Variants in CHRDL1 observed in about 807,000 individuals in gnomAD.
The protein encoded by CHRDL1 is chordin like 1.
CHRDL1 carries 19 observed loss-of-function variants against 40.9 expected under a neutral mutation model. The ratio of observed to expected loss-of-function variants is 0.46; its 90% CI spans 0.32 to 0.68. CHRDL1 has a LOEUF of 0.68. CHRDL1 is among the 30% of genes least tolerant of loss of function. CHRDL1 has a pLI of 0.03. For missense variants in CHRDL1, 329 were observed against 352.1 expected, an observed-to-expected ratio of 0.93 and a Z score of 0.53; for synonymous variants, 136 against 123.4, an observed-to-expected ratio of 1.10 and a Z score of -0.68.
intron 4 of CHRDL1, among the ~76,000 whole-genome samples, chrX:110,741,821 C>T (rs187996577): frequency 1.8e-5 from 2 of 112,043 alleles, no homozygotes; most frequent in East Asian, 5.7e-4. Flanking sequence ...ACCAGCAAAC[C>T]ATCTGGCCAT....
Position 110,713,846 on chromosome X carries a change from G to A in CHRDL1, c.541+5989C>T, listed in dbSNP as rs113512225. ...ACACCATTTACTAAATGCATACTTG[G>A]CTTTCAATACAGTTAATACCTACCC... On this transcript the variant is annotated intron_variant, in intron 6 of 11. Transcript: ENST00000372042. Among the ~76,000 whole-genome samples the A allele has an allele frequency of 7.6e-3, 851 of 111,480 alleles. 6 individuals carry two copies. The highest frequency in any genetic ancestry group is 0.027 in the African/African-American group (816 of 30,676).
chrX:110,676,426 T>A, intron 11 of CHRDL1, 65 bp from the exon 12 acceptor site: 1 of 1,057,691 alleles, frequency 9.5e-7, no homozygotes. Flanking sequence ...AAATTAGGAA[T>A]AGAACCAATA....
intron 10 of CHRDL1, among the ~76,000 whole-genome samples, 184 bp downstream of exon 10, chrX:110,681,298 G>C (rs2069891001): frequency 8.9e-6 from 1 of 112,093 alleles, no homozygotes; most frequent in Admixed American, 9.5e-5. Flanking sequence ...TTGATCTTTA[G>C]CACAGGCCAT....
At chrX:110,730,386 T>A (rs2071136112) in intron 4 of CHRDL1, among the ~76,000 whole-genome samples, 1 of 110,868 alleles carries the variant, frequency 9.0e-6, no homozygotes. Context: ...CAGGTGTGAT[T>A]TAGCCAAGCA....
intron 6 of CHRDL1, among the ~76,000 whole-genome samples, chrX:110,718,966 G>A (rs766379485): frequency 9.0e-6 from 1 of 111,685 alleles, no homozygotes; most frequent in Non-Finnish European, 1.9e-5. Flanking sequence ...AGTATCTTAT[G>A]TAAGGGAATC....
chrX:110,757,608 C>T (rs749854803), intron 4 of CHRDL1, among the ~76,000 whole-genome samples: 111 of 111,396 alleles, frequency 1.0e-3, no homozygotes, highest in Non-Finnish European at 1.8e-3. Context: ...AGAACTACTA[C>T]CCACAGAAAG....
At chrX:110,774,692 T>C in intron 2 of CHRDL1, among the ~76,000 whole-genome samples, 1 of 111,854 alleles carries the variant, frequency 8.9e-6, no homozygotes, top group Non-Finnish European at 1.9e-5. Context: ...CTTGGATGTA[T>C]TCAACTGAAG....
chrX:110,709,941 G>T (rs1470628003), intron 6 of CHRDL1, among the ~76,000 whole-genome samples: 1 of 111,562 alleles, frequency 9.0e-6, no homozygotes, highest in Non-Finnish European at 1.9e-5. Context: ...GGCAGAGGTT[G>T]CAGTGAGCTG....
chrX:110,770,832 C>T (rs1300457646), intron 2 of CHRDL1, among the ~76,000 whole-genome samples: 1 of 111,395 alleles, frequency 9.0e-6, no homozygotes, highest in Non-Finnish European at 1.9e-5. Context: ...CACACATTAC[C>T]AAAGCTCAAT....
chrX:110,773,766 T>C (rs1290601222), intron 2 of CHRDL1, among the ~76,000 whole-genome samples: 1 of 108,742 alleles, frequency 9.2e-6, no homozygotes, highest in African/African-American at 3.3e-5. Context: ...ATTTCTATTA[T>C]TTTGTGTTTC....
chrX:110,735,446 A>G (rs2071245617), intron 4 of CHRDL1, among the ~76,000 whole-genome samples: 1 of 111,827 alleles, frequency 8.9e-6, no homozygotes, highest in African/African-American at 3.3e-5. Context: ...GCCCTGCACC[A>G]CATCAAAACC....
chrX:110,764,606 A>G (rs1372297053), intron 2 of CHRDL1, among the ~76,000 whole-genome samples: 3 of 111,899 alleles, frequency 2.7e-5, no homozygotes, highest in African/African-American at 9.7e-5. Context: ...AAAGAACAGA[A>G]TAACAGCAAT....
chrX:110,763,558 T>TAC (rs1556366535), intron 2 of CHRDL1, among the ~76,000 whole-genome samples: 4,827 of 105,536 alleles, frequency 0.046, 271 homozygotes, highest in African/African-American at 0.15. Context: ...TATATATATA[T>TAC]ACACACACAT....
intron 8 of CHRDL1, among the ~76,000 whole-genome samples, chrX:110,690,831 G>T (rs758994764): frequency 1.8e-5 from 2 of 111,629 alleles, no homozygotes; most frequent in African/African-American, 6.5e-5. Context: ...ATCACTGCTT[G>T]CTTCACAGAT....
chrX:110,708,680 T>G (rs940898269), intron 6 of CHRDL1, among the ~76,000 whole-genome samples: 2 of 111,440 alleles, frequency 1.8e-5, no homozygotes. Context: ...AAATACTTAC[T>G]TTTTAAAAAG....
chrX:110,714,924 GA>G (rs1439848970), intron 6 of CHRDL1, among the ~76,000 whole-genome samples: 1 of 111,535 alleles, frequency 9.0e-6, no homozygotes, highest in Non-Finnish European at 1.9e-5. Flanking sequence ...ATTTCCATGG[GA>G]AAAAATAACT....
chrX:110,736,202 T>C (rs953707788), intron 4 of CHRDL1, among the ~76,000 whole-genome samples: 2 of 112,023 alleles, frequency 1.8e-5, no homozygotes, highest in Non-Finnish European at 3.8e-5. Context: ...AGACAAAGTA[T>C]CATTTTGCTT....
intron 6 of CHRDL1, among the ~76,000 whole-genome samples, chrX:110,709,441 A>G (rs2070707286): frequency 8.9e-6 from 1 of 112,390 alleles, no homozygotes; most frequent in African/African-American, 3.2e-5. Context: ...GCACATTGAA[A>G]AGGAATCATT....
In CHRDL1 at chrX:110,681,617, C is replaced by CAA; in HGVS notation, c.1020_1021insTT (p.Gly341LeufsTer27). On this transcript the variant is annotated frameshift_variant, in exon 10 of 12. Transcript: ENST00000372042. LOFTEE classifies it high-confidence loss of function. ...ATCGTTTCTTCCCCGCAGAAGTAGC[C>CAA]TTTATTGTCAAAGCTTTGGCCTGGA... The CAA allele has an allele frequency of 3.3e-6, 4 of 1,206,837 alleles. No homozygotes were observed. In the Middle Eastern group the frequency reaches 6.9e-4, roughly 208 times the overall value.
Sources: allele counts gnomAD v4.1 joint callset (sites outside exome capture counted in the v4.1 genomes callset), GRCh38; gene constraint gnomAD v4.1.1; transcripts MANE v1.5; gene names NCBI Gene and HGNC (gene_info 2026-07-23, HGNC 2026-07-21).